Variants in CDYL observed in about 807,000 individuals in gnomAD.
CDYL encodes chromodomain Y-like protein.
CDYL carries 8 observed loss-of-function variants against 47.3 expected under a neutral mutation model. The ratio of observed to expected loss-of-function variants is 0.17; its 90% CI spans 0.10 to 0.31. CDYL has a LOEUF of 0.31. Ranked by LOEUF, CDYL falls within the 10% of genes least tolerant of loss-of-function variation. CDYL has a pLI of 1.00. For missense variants in CDYL, 471 were observed against 701.4 expected, an observed-to-expected ratio of 0.67 and a Z score of 3.71; for synonymous variants, 266 against 265.0, an observed-to-expected ratio of 1.00 and a Z score of -0.04.
intron 1 of CDYL, among the ~76,000 whole-genome samples, chr6:4,835,648 TTTTG>T (rs971208588): frequency 5.3e-5 from 8 of 152,170 alleles, no homozygotes; most frequent in African/African-American, 1.4e-4. Flanking sequence ...ACTGCTGTCT[TTTTG>T]TTTGTCTGTG....
chr6:4,775,746 C>T (rs1311336427), upstream of CDYL, among the ~76,000 whole-genome samples: 6 of 148,312 alleles, frequency 4.0e-5, no homozygotes, highest in South Asian at 1.2e-3. The surrounding 1 kb of genome is among the most constrained non-coding windows in gnomAD (Gnocchi z 7.0). Flanking sequence ...GGCCCGGGCT[C>T]CGGGTCTTGG....
intron 1 of CDYL, among the ~76,000 whole-genome samples, chr6:4,817,624 A>G (rs901133018): frequency 2.0e-5 from 3 of 152,208 alleles, no homozygotes; most frequent in Non-Finnish European, 4.4e-5. Context: ...TGTAATTTAC[A>G]TATCTGGACT....
At chr6:4,950,617 G>A (rs1758668776) in intron 5 of CDYL, among the ~76,000 whole-genome samples, 1 of 152,088 alleles carries the variant, frequency 6.6e-6, no homozygotes, top group African/African-American at 2.4e-5. Context: ...GTCAGTTCAG[G>A]GGTTTCTAGA....
chr6:4,859,898 TTTTTTTTTC>T (rs1238495844), intron 1 of CDYL, among the ~76,000 whole-genome samples: 1 of 147,592 alleles, frequency 6.8e-6, no homozygotes, highest in African/African-American at 2.6e-5. Flanking sequence ...TTTTTTTGTC[TTTTTTTTTC>T]TTTTTTTTTT....
intron 2 of CDYL, among the ~76,000 whole-genome samples, chr6:4,720,160 C>CCT (rs1757341829): frequency 6.6e-6 from 1 of 152,214 alleles, no homozygotes; most frequent in Non-Finnish European, 1.5e-5. Context: ...CCTCACATTT[C>CCT]TCTGAAGGAA....
At chr6:4,866,535 A>G (rs1468689278) in intron 1 of CDYL, among the ~76,000 whole-genome samples, 1 of 152,118 alleles carries the variant, frequency 6.6e-6, no homozygotes. Flanking sequence ...GTTCTTGGAA[A>G]CTGCTACTTT....
chr6:4,803,317 G>C (rs1759278140), intron 1 of CDYL, among the ~76,000 whole-genome samples: 1 of 152,032 alleles, frequency 6.6e-6, no homozygotes, highest in African/African-American at 2.4e-5. Context: ...CATCCACCTG[G>C]TCCTGCAGCT....
chr6:4,879,801 C>G (rs1234110652), intron 1 of CDYL, among the ~76,000 whole-genome samples: 2 of 152,136 alleles, frequency 1.3e-5, no homozygotes, highest in Non-Finnish European at 2.9e-5. Context: ...CTCAGATGAT[C>G]TGCCCGCCTC....
At chr6:4,917,705 A>G (rs575007762) in intron 2 of CDYL, among the ~76,000 whole-genome samples, 1 of 152,356 alleles carries the variant, frequency 6.6e-6, no homozygotes, top group South Asian at 2.1e-4. Flanking sequence ...AAAAGTATAG[A>G]TGGCAAGTTT....
chr6:4,939,047 A>G (rs7738117), intron 4 of CDYL, among the ~76,000 whole-genome samples: 95,799 of 151,984 alleles, frequency 0.63, 30,470 homozygotes, highest in East Asian at 0.76. Context: ...GCCCCCATAA[A>G]CCCTTTGTGC....
At chr6:4,838,703 T>C (rs534700276) in intron 1 of CDYL, among the ~76,000 whole-genome samples, 1 of 152,266 alleles carries the variant, frequency 6.6e-6, no homozygotes, top group East Asian at 1.9e-4. Flanking sequence ...CTTTTTTTTT[T>C]TGAGACAGAG....
intron 2 of CDYL, among the ~76,000 whole-genome samples, chr6:4,722,506 A>G (rs1192570237): frequency 1.3e-5 from 2 of 152,252 alleles, no homozygotes; most frequent in African/African-American, 2.4e-5. Flanking sequence ...ATTTTTAAAA[A>G]GAGTACGTGC....
intron 1 of CDYL, among the ~76,000 whole-genome samples, chr6:4,788,247 CG>C (rs1409911591): frequency 5.9e-5 from 9 of 151,634 alleles, no homozygotes; most frequent in Non-Finnish European, 1.3e-4. Flanking sequence ...CCCAGAACTT[CG>C]GGAGGCCAAG....
intron 3 of CDYL, among the ~76,000 whole-genome samples, chr6:4,746,224 C>T (rs977436327): frequency 2.0e-5 from 3 of 151,642 alleles, no homozygotes; most frequent in Admixed American, 6.6e-5. Flanking sequence ...ACGAGCCAGG[C>T]GTGGTGGCAC....
At chr6:4,891,620 GT>G in intron 1 of CDYL, 92 bp from the exon 2 acceptor site, 7 of 992,266 alleles carry the variant, frequency 7.1e-6, no homozygotes, top group Non-Finnish European at 1.0e-5. Flanking sequence ...ATCTATTGTG[GT>G]TTTTGCTATT....
intron 1 of CDYL, among the ~76,000 whole-genome samples, chr6:4,838,437 A>G (rs1658863432): frequency 6.6e-6 from 1 of 152,176 alleles, no homozygotes; most frequent in Admixed American, 6.5e-5. Flanking sequence ...TTCATTTAGA[A>G]TAATGATCTC....
chr6:4,793,322 TC>T (rs1758980592), intron 1 of CDYL, among the ~76,000 whole-genome samples: 1 of 152,114 alleles, frequency 6.6e-6, no homozygotes, highest in Non-Finnish European at 1.5e-5. Context: ...GTGGCAACAG[TC>T]TAGTGAGAAT....
chr6:4,824,511 T>C (rs1759925434), intron 1 of CDYL, among the ~76,000 whole-genome samples: 1 of 152,230 alleles, frequency 6.6e-6, no homozygotes, highest in Non-Finnish European at 1.5e-5. Context: ...TTATTAGCTA[T>C]TTGTATGTCT....
chr6:4,865,262 TC>T (rs1436311278), intron 1 of CDYL, among the ~76,000 whole-genome samples: 6 of 152,000 alleles, frequency 3.9e-5, no homozygotes, highest in Non-Finnish European at 8.8e-5. Flanking sequence ...TAACCTCCCT[TC>T]CCGCCAAACT....
Sources: allele counts gnomAD v4.1 joint callset (sites outside exome capture counted in the v4.1 genomes callset), GRCh38; gene constraint gnomAD v4.1.1; non-coding constraint Gnocchi (gnomAD v3.1); transcripts MANE v1.5; gene names NCBI Gene and HGNC (gene_info 2026-07-23, HGNC 2026-07-21).